The following NEO1 variants were observed in gnomAD, a reference collection of about 807,000 sequenced individuals.
NEO1 encodes the protein neogenin 1.
NEO1 carries 63 observed loss-of-function variants against 159.7 expected under a neutral mutation model. The ratio of observed to expected loss-of-function variants is 0.39; its 90% CI spans 0.32 to 0.49. The LOEUF is 0.49. Among genes scored for constraint, NEO1 ranks in the 20% least tolerant of loss-of-function variants. The probability of loss-of-function intolerance (pLI) is 0.85; values close to 1 mark genes in which losing one functional copy is unlikely to be tolerated. For missense variants in NEO1, 1,615 were observed against 1,831.0 expected (o/e 0.88, Z 2.15); for synonymous variants, 633 against 662.0 (o/e 0.96, Z 0.67).
At chr15:73,207,115 C>A (rs369261022) in intron 7 of NEO1, among the ~76,000 whole-genome samples, 31 of 152,156 alleles carry the variant, frequency 2.0e-4, no homozygotes, top group East Asian at 9.6e-4. Context: ...CAGCTTGATC[C>A]AATCACATTC....
At chr15:73,079,346 C>T (rs903316346) in intron 1 of NEO1, among the ~76,000 whole-genome samples, 2 of 152,076 alleles carry the variant, frequency 1.3e-5, no homozygotes, top group Non-Finnish European at 2.9e-5. Context: ...TAATTTTTCT[C>T]GCTAATGGCC....
intron 8 of NEO1, among the ~76,000 whole-genome samples, chr15:73,242,943 C>T (rs575800066): frequency 2.0e-5 from 3 of 152,328 alleles, no homozygotes; most frequent in Admixed American, 2.0e-4. Flanking sequence ...CTTGTTCAAG[C>T]ATCAGCTGTA....
At chr15:73,293,653 T>G (rs1228045956) in intron 26 of NEO1, 105 bp downstream of exon 26, 9 of 1,257,340 alleles carry the variant, frequency 7.2e-6, no homozygotes, top group East Asian at 2.6e-5. Context: ...GGAATTTTTC[T>G]GTTTTATTTA....
At position 73,273,872 on chromosome 15, in the gene NEO1, T is replaced by C; in HGVS notation, c.3027T>C (p.Pro1009=). 1 of 1,614,210 alleles carries C rather than the reference T, an allele frequency of 6.2e-7. No individual in the cohort carries two copies. Among genetic ancestry groups the C allele is most frequent in the Non-Finnish European group, 8.5e-7 (1 of 1,180,030 alleles). The change falls in exon 20 of 29, where the codon CCT becomes CCC. Residue 1009 remains proline (P), a synonymous_variant. Transcript: ENST00000261908. ...AGATACATGACTGGGTTATTGAGCC[T>C]GTTGTGGGAAACAGACTGACTCACC... ...NAEIHDWVIE[P]VVGNRLTHQI...
chr15:73,173,926 C>G (rs1233366480), intron 5 of NEO1, among the ~76,000 whole-genome samples: 2 of 151,812 alleles, frequency 1.3e-5, no homozygotes, highest in Non-Finnish European at 2.9e-5. Context: ...ATGGTGAAAC[C>G]CTGTCTCTAC....
chr15:73,077,589 AT>A lies in NEO1; in HGVS notation c.130+24787del, dbSNP rs1291158770. Among the ~76,000 whole-genome samples the A allele has an allele frequency of 2.0e-5, 3 of 152,342 alleles. No homozygotes were observed. The East Asian group carries it at 5.8e-4, about 29-fold the overall frequency. ...GTTCTCTGAAGGAGAAGTCCAGTCT[AT>A]TTAACTGTGTTTAGCAAAAACTAAT... On this transcript the variant is annotated intron_variant, in intron 1 of 28. Transcript: ENST00000261908.
rs2042676371 is a variant in NEO1 at position 73,302,917 on chromosome 15, C to A, written c.*221C>A. On this transcript the variant is annotated 3_prime_UTR_variant, in exon 29 of 29. Coordinates refer to ENST00000261908, the MANE Select transcript of NEO1 (RefSeq NM_002499.4). ...CTGTGTCGAGGCAGCTTCCCTTTGC[C>A]TGCTGATATTCTGCAGGACTGGGCA... 1 of 511,330 alleles carries A rather than the reference C, an allele frequency of 2.0e-6. No individual in the cohort carries two copies. Among genetic ancestry groups the A allele is most frequent in the Non-Finnish European group, 3.5e-6 (1 of 282,074 alleles). 31.7% of individuals were successfully genotyped at this position (511,330 alleles called of 1,614,324 possible). A position where few individuals can be genotyped will look rare whatever the true frequency, so the allele number is the denominator to read the frequency against.
At chr15:73,058,634 T>A (rs967260038) in intron 1 of NEO1, among the ~76,000 whole-genome samples, 10 of 152,222 alleles carry the variant, frequency 6.6e-5, no homozygotes, top group African/African-American at 2.4e-4. Flanking sequence ...AGTAATGATG[T>A]CATTAAGAAT....
chr15:73,191,202 C>A (rs1317072857), intron 7 of NEO1, among the ~76,000 whole-genome samples: 1 of 152,022 alleles, frequency 6.6e-6, no homozygotes, highest in Non-Finnish European at 1.5e-5. Flanking sequence ...GGTGATTAAC[C>A]TCTCTATGCA....
At position 73,052,680 on chromosome 15, in the gene NEO1, C is replaced by T. The variant is rs753139700; in HGVS notation, c.5C>T (p.Ala2Val). 6 of 1,340,982 alleles carry T rather than the reference C, an allele frequency of 4.5e-6. No homozygotes were observed. The highest frequency in any genetic ancestry group is 3.2e-5 in the South Asian group (2 of 61,844). The allele number at this position is 1,340,982 out of a possible 1,614,324, so 83.1% of individuals were successfully genotyped here. A position where few individuals can be genotyped will look rare whatever the true frequency, so the allele number is the denominator to read the frequency against. Reference sequence around the variant, plus strand: ...CCGCTCACTCTCGGGGAAGAGATGGCGGCGGAGCGGGGAGCCCGGCGACTC... The same window carrying T: ...CCGCTCACTCTCGGGGAAGAGATGGTGGCGGAGCGGGGAGCCCGGCGACTC... M[A>V]AERGARRLLS... The change falls in exon 1 of 29, where the codon GCG (alanine) becomes GTG (valine). Residue 2 changes from alanine to valine, a missense_variant. Coordinates refer to ENST00000261908, the MANE Select transcript of NEO1 (RefSeq NM_002499.4).
chr15:73,175,369 A>C (rs1385376007), intron 5 of NEO1, among the ~76,000 whole-genome samples: 1 of 152,246 alleles, frequency 6.6e-6, no homozygotes, highest in African/African-American at 2.4e-5. Context: ...CTAGGTATTT[A>C]TCTAACAGAG....
chr15:73,057,920 T>C (rs2067789747), intron 1 of NEO1, among the ~76,000 whole-genome samples: 1 of 152,154 alleles, frequency 6.6e-6, no homozygotes. Context: ...AATATAAAAA[T>C]ACATAGAATA....
At chr15:73,283,569 C>G (rs1486105030) in intron 23 of NEO1, among the ~76,000 whole-genome samples, 1 of 152,232 alleles carries the variant, frequency 6.6e-6, no homozygotes, top group Non-Finnish European at 1.5e-5. Context: ...ACCCTCCAGC[C>G]TCTTGCCAGT....
intron 21 of NEO1, among the ~76,000 whole-genome samples, chr15:73,276,436 G>A (rs936787062): frequency 1.4e-4 from 22 of 152,202 alleles, no homozygotes; most frequent in African/African-American, 5.1e-4. Context: ...CCACCAGCTA[G>A]ACTTTGTCAT....
chr15:73,301,193 A>G, intron 27 of NEO1, 128 bp from the exon 28 acceptor site: 9 of 1,208,224 alleles, frequency 7.4e-6, no homozygotes, highest in Non-Finnish European at 1.0e-5. Context: ...GTAACTTTTC[A>G]GAGCAGTATC....
Position 73,270,197 on chromosome 15 carries a change from A to G in NEO1, c.2682A>G (p.Arg894=). 4 of 1,614,220 alleles carry G rather than the reference A, an allele frequency of 2.5e-6. No homozygotes were observed. The highest frequency in any genetic ancestry group is 1.1e-5 in the South Asian group (1 of 91,084). The change falls in exon 17 of 29, where the codon CGA becomes CGG. Residue 894 remains arginine, a synonymous_variant. Transcript: ENST00000261908. The stretch of plus-strand genomic sequence containing the variant: ...CAGACTCCCGATACTACACCGTCCG[A>G]TGGAAAACCAACATCCCAGCAAACA... ...KITDSRYYTV[R]WKTNIPANTK... is the part of the protein sequence containing the mutation.
intron 26 of NEO1, among the ~76,000 whole-genome samples, chr15:73,295,147 A>ATATATATAT (rs1238740275): frequency 0.014 from 1,426 of 100,448 alleles, 44 homozygotes; most frequent in African/African-American, 0.04. Context: ...TATATATGTA[A>ATATATATAT]AAATTTGGCC....
intron 25 of NEO1, among the ~76,000 whole-genome samples, chr15:73,292,276 T>G (rs1294262283): frequency 6.6e-6 from 1 of 152,204 alleles, no homozygotes; most frequent in Non-Finnish European, 1.5e-5. Context: ...ACAAAGACTT[T>G]AGGGAGATCC....
intron 5 of NEO1, among the ~76,000 whole-genome samples, chr15:73,165,900 G>C (rs186051388): frequency 3.3e-5 from 5 of 152,082 alleles, no homozygotes; most frequent in African/African-American, 1.2e-4. Context: ...ATTCCATATC[G>C]CTTTGTTCCC....
Sources: allele counts gnomAD v4.1 joint callset (sites outside exome capture counted in the v4.1 genomes callset), GRCh38; gene constraint gnomAD v4.1.1; transcripts MANE v1.5; gene names NCBI Gene and HGNC (gene_info 2026-07-23, HGNC 2026-07-21).